The following ELMO1 variants were observed in gnomAD, a reference collection of about 807,000 sequenced individuals.
ELMO1 encodes the protein engulfment and cell motility 1, also known as engulfment and cell motility protein 1.
In ELMO1, 26 loss-of-function variants were observed where a neutral mutation model predicts 98.9. The observed-to-expected ratio is 0.26, with a 90% confidence interval of 0.19 to 0.36. ELMO1 has a LOEUF of 0.36. Among genes scored for constraint, ELMO1 ranks in the 10% least tolerant of loss-of-function variants. The pLI is 1.00. For missense variants in ELMO1, 627 were observed against 935.2 expected, an observed-to-expected ratio of 0.67 and a Z score of 4.30; for synonymous variants, 346 against 346.0, an observed-to-expected ratio of 1.00 and a Z score of 0.00.
chr7:37,122,775 C>T (rs1410455911), intron 14 of ELMO1, among the ~76,000 whole-genome samples: 3 of 152,170 alleles, frequency 2.0e-5, no homozygotes, highest in African/African-American at 4.8e-5. Flanking sequence ...CAGCTCTCCA[C>T]CAAGCGGACC....
intron 4 of ELMO1, among the ~76,000 whole-genome samples, chr7:37,282,393 T>C (rs570913782): frequency 7.9e-5 from 12 of 152,356 alleles, no homozygotes; most frequent in Admixed American, 2.6e-4. Context: ...TTCAGGTCCA[T>C]TTCTTAATCA....
At chr7:37,086,018 A>T (rs1315285405) in intron 15 of ELMO1, among the ~76,000 whole-genome samples, 1 of 152,220 alleles carries the variant, frequency 6.6e-6, no homozygotes, top group Non-Finnish European at 1.5e-5. Context: ...AACACCGTTG[A>T]CCTGCTTTGG....
chr7:37,016,200 A>T (rs1465092694), intron 15 of ELMO1, among the ~76,000 whole-genome samples: 2 of 152,158 alleles, frequency 1.3e-5, no homozygotes, highest in Non-Finnish European at 2.9e-5. Flanking sequence ...AGCCAGAAAA[A>T]GCTGAGACTT....
chr7:37,235,681 C>T (rs1794421470), intron 7 of ELMO1, among the ~76,000 whole-genome samples: 1 of 152,240 alleles, frequency 6.6e-6, no homozygotes, highest in Non-Finnish European at 1.5e-5. Context: ...GCCTGCAATC[C>T]CAGCACTCTG....
At chr7:37,086,573 T>C (rs940307258) in intron 15 of ELMO1, among the ~76,000 whole-genome samples, 1 of 151,458 alleles carries the variant, frequency 6.6e-6, no homozygotes, top group African/African-American at 2.4e-5. Flanking sequence ...TGAAAACCCA[T>C]CTCTACTAAA....
intron 16 of ELMO1, among the ~76,000 whole-genome samples, chr7:36,915,862 CAG>C (rs1379042894): frequency 6.6e-6 from 1 of 152,114 alleles, no homozygotes; most frequent in Non-Finnish European, 1.5e-5. Context: ...CAGTGTGAGA[CAG>C]AAGTACTTAT....
In ELMO1 at chr7:36,853,388, A is replaced by G. The variant is rs771020439; in HGVS notation, c.*2163T>C. ...CTCAGGACCTCAGAGATCCTGGTCC[A>G]GAAAGTTCCCTTTTTCATGGATTGG... On this transcript the variant is annotated 3_prime_UTR_variant, in exon 22 of 22. Transcript: ENST00000310758. Among the ~76,000 whole-genome samples, 4 of 152,214 alleles carry G rather than the reference A, an allele frequency of 2.6e-5. No homozygotes were observed. The highest frequency in any genetic ancestry group is 5.9e-5 in the Non-Finnish European group (4 of 68,050).
At chr7:37,189,347 T>C (rs1791435721) in intron 13 of ELMO1, among the ~76,000 whole-genome samples, 1 of 152,182 alleles carries the variant, frequency 6.6e-6, no homozygotes, top group Non-Finnish European at 1.5e-5. Flanking sequence ...AGGGAAGAAA[T>C]GAATCCTTTT....
At chr7:36,979,170 T>C (rs1790838409) in intron 16 of ELMO1, among the ~76,000 whole-genome samples, 1 of 152,014 alleles carries the variant, frequency 6.6e-6, no homozygotes, top group Admixed American at 6.5e-5. Context: ...AATCTGAAAG[T>C]AGAGAGAAAC....
intron 1 of ELMO1, among the ~76,000 whole-genome samples, chr7:37,359,154 TA>T (rs1801605201): frequency 6.6e-6 from 1 of 152,160 alleles, no homozygotes; most frequent in Non-Finnish European, 1.5e-5. Flanking sequence ...GAACCAGTGG[TA>T]AAGTCCAAGC....
rs760943465 is a variant in ELMO1, at chr7:37,155,494, A to ATAAAAT, written c.1087-22261_1087-22260insATTTTA. Among the ~76,000 whole-genome samples, 74 of 140,666 alleles carry ATAAAAT rather than the reference A, an allele frequency of 5.3e-4. 2 individuals are homozygous for ATAAAAT. The highest frequency in any genetic ancestry group is 4.3e-3 in the East Asian group (22 of 5,090). 92.3% of individuals were successfully genotyped at this position (140,666 alleles called of 152,430 possible). ...GAAGAAGCAAACGGAAAGCAAAAAAAAAAAAAAAAAAAAAGCAGGTGTTGC... is the reference window on the plus strand; with the variant it reads ...GAAGAAGCAAACGGAAAGCAAAAAAATAAAATAAAAAAAAAAAAAAGCAGGTGTTGC... On this transcript the variant is annotated intron_variant, in intron 13 of 21. Transcript: ENST00000310758.
chr7:36,882,564 C>A (rs999987748), intron 18 of ELMO1, among the ~76,000 whole-genome samples: 1 of 152,228 alleles, frequency 6.6e-6, no homozygotes, highest in Non-Finnish European at 1.5e-5. Flanking sequence ...GCAAATGACA[C>A]CGGAGTCCCT....
At chr7:37,223,107 C>T (rs1011166031) in intron 9 of ELMO1, among the ~76,000 whole-genome samples, 2 of 152,142 alleles carry the variant, frequency 1.3e-5, no homozygotes, top group Non-Finnish European at 2.9e-5. Flanking sequence ...CAGATGTCTC[C>T]ACATTCTTGG....
chr7:37,309,577 G>A (rs936689484), intron 4 of ELMO1, among the ~76,000 whole-genome samples: 3 of 152,242 alleles, frequency 2.0e-5, no homozygotes, highest in African/African-American at 7.2e-5. Context: ...GCACGAAAGG[G>A]AATGTTGTAT....
intron 13 of ELMO1, among the ~76,000 whole-genome samples, chr7:37,146,126 G>A (rs1333103490): frequency 6.6e-6 from 1 of 152,122 alleles, no homozygotes; most frequent in Admixed American, 6.5e-5. Flanking sequence ...CCAGGCGGTT[G>A]GATTTTTAAA....
intron 16 of ELMO1, among the ~76,000 whole-genome samples, chr7:36,992,847 T>C (rs1791966812): frequency 6.6e-6 from 1 of 152,200 alleles, no homozygotes; most frequent in African/African-American, 2.4e-5. Context: ...TTTTTTCAAA[T>C]GGTTAGACAT....
intron 14 of ELMO1, among the ~76,000 whole-genome samples, chr7:37,100,479 T>A (rs1784581974): frequency 6.6e-6 from 1 of 152,174 alleles, no homozygotes; most frequent in African/African-American, 2.4e-5. Flanking sequence ...CAAATATGAA[T>A]CCCTTCTCTG....
intron 13 of ELMO1, among the ~76,000 whole-genome samples, chr7:37,180,794 A>G (rs898638731): frequency 3.0e-5 from 4 of 135,570 alleles, no homozygotes; most frequent in African/African-American, 1.2e-4. Context: ...ACATATGCAC[A>G]TATGCACACA....
chr7:36,858,952 G>A (rs1802405787), intron 21 of ELMO1, among the ~76,000 whole-genome samples: 1 of 152,220 alleles, frequency 6.6e-6, no homozygotes, highest in African/African-American at 2.4e-5. Context: ...CACTAAGTTT[G>A]TGGCAGTTTG....
Sources: gnomAD v4.1 joint callset for allele counts (sites outside exome capture counted in the v4.1 genomes callset) on GRCh38, gnomAD v4.1.1 for gene constraint, MANE v1.5 for transcripts, NCBI Gene and HGNC (gene_info 2026-07-23, HGNC 2026-07-21) for gene names.